The following METTL16 variants were observed in gnomAD, a reference collection of about 807,000 sequenced individuals.
The protein encoded by METTL16 is methyltransferase 16, RNA N6-adenosine, also known as RNA N(6)-adenosine-methyltransferase METTL16.
Under a neutral mutation model 57.9 loss-of-function variants are expected in METTL16, and 19 were observed. The observed-to-expected ratio is 0.33, with a 90% CI of 0.23 to 0.48. The LOEUF is 0.48. Ranked by LOEUF, METTL16 falls within the 20% of genes least tolerant of loss-of-function variation. The pLI, the probability that METTL16 is intolerant of heterozygous loss-of-function variation, is 0.99. For missense variants in METTL16, 434 were observed against 691.5 expected (o/e 0.63, Z 4.18); for synonymous variants, 246 against 255.6 (o/e 0.96, Z 0.36).
intron 2 of METTL16, among the ~76,000 whole-genome samples, chr17:2,497,968 G>A (rs1196895133): frequency 6.6e-6 from 1 of 151,760 alleles, no homozygotes; most frequent in Non-Finnish European, 1.5e-5. Context: ...GCTGAGGTGG[G>A]CAGATCACGA....
chr17:2,476,356 T>C (rs2067268476), intron 3 of METTL16, among the ~76,000 whole-genome samples: 1 of 152,130 alleles, frequency 6.6e-6, no homozygotes, highest in African/African-American at 2.4e-5. Context: ...GTGAATGCAA[T>C]TACCAGGGTA....
At chr17:2,424,700 G>A (rs1033671967) in intron 8 of METTL16, among the ~76,000 whole-genome samples, 1 of 152,092 alleles carries the variant, frequency 6.6e-6, no homozygotes, top group African/African-American at 2.4e-5. Flanking sequence ...TGTAATCCCA[G>A]CATTTTGGGA....
intron 1 of METTL16, among the ~76,000 whole-genome samples, chr17:2,507,821 C>G (rs1409162967): frequency 6.6e-6 from 1 of 152,194 alleles, no homozygotes; most frequent in Non-Finnish European, 1.5e-5. Flanking sequence ...TGATCTGTGA[C>G]CTTACCCCCA....
intron 2 of METTL16, among the ~76,000 whole-genome samples, chr17:2,486,323 G>A (rs2067340869): frequency 1.3e-5 from 2 of 151,604 alleles, no homozygotes; most frequent in Non-Finnish European, 2.9e-5. Flanking sequence ...CCAGGCTGGA[G>A]TGCAATGGCG....
At chr17:2,467,710 G>C in intron 5 of METTL16, 51 bp downstream of exon 5, 1 of 1,437,078 alleles carries the variant, frequency 7.0e-7, no homozygotes, top group Non-Finnish European at 9.8e-7. Context: ...ACAGGCGTGA[G>C]CCACCGCGCC....
At chr17:2,487,959 C>G (rs577312192) in intron 2 of METTL16, among the ~76,000 whole-genome samples, 11 of 151,618 alleles carry the variant, frequency 7.3e-5, no homozygotes, top group Non-Finnish European at 1.5e-4. Context: ...GAGCTGTGAT[C>G]GCATCACTGT....
At chr17:2,492,965 A>C (rs560070543) in intron 2 of METTL16, among the ~76,000 whole-genome samples, 6 of 151,328 alleles carry the variant, frequency 4.0e-5, no homozygotes, top group Non-Finnish European at 7.4e-5. Context: ...CTGATACTTA[A>C]CAAGACTAAC....
intron 6 of METTL16, among the ~76,000 whole-genome samples, chr17:2,447,491 A>G: frequency 8.0e-6 from 1 of 124,848 alleles, no homozygotes; most frequent in African/African-American, 3.7e-5. Context: ...CCCGTCCGGG[A>G]GGTGAGGGGC....
chr17:2,447,879 C>T (rs1462567549), intron 6 of METTL16, among the ~76,000 whole-genome samples: 1 of 92,698 alleles, frequency 1.1e-5, no homozygotes, highest in Non-Finnish European at 2.0e-5. Flanking sequence ...CCTGGCCAGC[C>T]GCCCCGTCCG....
intron 2 of METTL16, among the ~76,000 whole-genome samples, chr17:2,489,547 T>TAG (rs1173706253): frequency 6.6e-6 from 1 of 151,544 alleles, no homozygotes; most frequent in African/African-American, 2.4e-5. Flanking sequence ...CGCCATTTAA[T>TAG]AGAGACGGTG....
chr17:2,448,358 T>C (rs1205492514), intron 6 of METTL16, among the ~76,000 whole-genome samples: 10 of 47,578 alleles, frequency 2.1e-4, no homozygotes, highest in Non-Finnish European at 3.8e-4. Context: ...TCTGTGTGGA[T>C]AGAAGTAGAC....
intron 1 of METTL16, among the ~76,000 whole-genome samples, chr17:2,511,512 T>C (rs2067588535): frequency 6.6e-6 from 1 of 152,114 alleles, no homozygotes; most frequent in Non-Finnish European, 1.5e-5. Context: ...TTTGGATCTC[T>C]CTAAACCTCC....
At position 2,420,519 on chromosome 17, in the gene METTL16, A is replaced by G; in HGVS notation, c.1140T>C (p.His380=). The G allele has an allele frequency of 6.2e-7, 1 of 1,613,910 alleles. No homozygotes were observed. Among genetic ancestry groups the G allele is most frequent in the African/African-American group, 1.3e-5 (1 of 75,038 alleles). ...CACGCTCTCTTTTCTTTCTCCTTAAATGAATCCAGGAGTTTTCTATGGCCG... is the reference window on the plus strand; with the variant it reads ...CACGCTCTCTTTTCTTTCTCCTTAAGTGAATCCAGGAGTTTTCTATGGCCG... The part of the protein sequence containing the change: ...FLTAIENSWI[H]LRRKKRERVR... Residue 380 remains histidine (H), a synonymous_variant, in exon 10 of 10, where the codon CAT becomes CAC. Coordinates refer to ENST00000263092, the MANE Select transcript of METTL16 (RefSeq NM_024086.4). The surrounding 1 kb of genome is among the most constrained non-coding windows in gnomAD (Gnocchi z 5.4).
At chr17:2,503,093 T>C (rs2067501729) in intron 1 of METTL16, among the ~76,000 whole-genome samples, 1 of 152,172 alleles carries the variant, frequency 6.6e-6, no homozygotes, top group Non-Finnish European at 1.5e-5. Context: ...ATTCCACTCC[T>C]AGGTATATTC....
chr17:2,433,441 C>A (rs899272079), intron 8 of METTL16, among the ~76,000 whole-genome samples: 5 of 131,318 alleles, frequency 3.8e-5, no homozygotes, highest in African/African-American at 2.1e-4. Flanking sequence ...CAGGATGAAT[C>A]CAGTCACTCG....
intron 6 of METTL16, among the ~76,000 whole-genome samples, chr17:2,444,629 C>T (rs1311421315): frequency 2.0e-5 from 3 of 152,046 alleles, no homozygotes; most frequent in South Asian, 4.2e-4. Flanking sequence ...TTCATATTCG[C>T]TCGCCACTCT....
chr17:2,442,229 A>T (rs1250350920), intron 6 of METTL16, among the ~76,000 whole-genome samples: 1 of 152,248 alleles, frequency 6.6e-6, no homozygotes, highest in Non-Finnish European at 1.5e-5. Flanking sequence ...AAACTGGACA[A>T]AACATATAAA....
At chr17:2,511,078 C>T (rs1330846234) in intron 1 of METTL16, among the ~76,000 whole-genome samples, 1 of 151,942 alleles carries the variant, frequency 6.6e-6, no homozygotes, top group African/African-American at 2.4e-5. Context: ...GAACTCTTCC[C>T]TGTCTGGACC....
intron 2 of METTL16, among the ~76,000 whole-genome samples, chr17:2,488,696 TTTAAGG>T (rs2067361702): frequency 6.6e-6 from 1 of 152,228 alleles, no homozygotes; most frequent in African/African-American, 2.4e-5. Flanking sequence ...ATGATTCTAC[TTTAAGG>T]TAAAGGTATC....
Sources: allele counts gnomAD v4.1 joint callset (sites outside exome capture counted in the v4.1 genomes callset), GRCh38; gene constraint gnomAD v4.1.1; non-coding constraint Gnocchi (gnomAD v3.1); transcripts MANE v1.5; gene names NCBI Gene and HGNC (gene_info 2026-07-23, HGNC 2026-07-21).